Variants in CNTNAP5 observed in about 807,000 individuals in gnomAD.
CNTNAP5 encodes the protein contactin-associated protein-like 5.
CNTNAP5 carries 72 observed loss-of-function variants against 150.2 expected under a neutral mutation model. The observed-to-expected ratio is 0.48, with a 90% CI of 0.40 to 0.58. The LOEUF (loss-of-function observed/expected upper bound fraction) is 0.58, where lower values mean the gene tolerates loss of function less well. Among genes scored for constraint, CNTNAP5 ranks in the 20% least tolerant of loss-of-function variants. The pLI is 0.00. For missense variants in CNTNAP5, 1,636 were observed against 1,626.2 expected (o/e 1.01, Z -0.10); for synonymous variants, 672 against 619.8 (o/e 1.08, Z -1.25).
chr2:124,455,862 G>T (rs1216995034), intron 6 of CNTNAP5, among the ~76,000 whole-genome samples: 1 of 152,026 alleles, frequency 6.6e-6, no homozygotes, highest in Non-Finnish European at 1.5e-5. Context: ...CAAAATGCAG[G>T]ATCCCTTTAT....
intron 1 of CNTNAP5, among the ~76,000 whole-genome samples, chr2:124,093,868 G>C (rs1682871540): frequency 6.6e-6 from 1 of 152,158 alleles, no homozygotes; most frequent in African/African-American, 2.4e-5. Context: ...TGATATCGCA[G>C]CCTCAGTGTT....
intron 11 of CNTNAP5, among the ~76,000 whole-genome samples, chr2:124,608,162 G>A (rs1677297098): frequency 6.6e-6 from 1 of 152,180 alleles, no homozygotes; most frequent in Non-Finnish European, 1.5e-5. Flanking sequence ...GAGTTGGCTA[G>A]GAGAGGAGTT....
At chr2:124,298,848 C>A (rs946223311) in intron 3 of CNTNAP5, among the ~76,000 whole-genome samples, 1 of 152,150 alleles carries the variant, frequency 6.6e-6, no homozygotes, top group African/African-American at 2.4e-5. Context: ...CTGGCTCTAT[C>A]AGCTTTTAAT....
At chr2:124,294,933 C>T (rs1294229567) in intron 3 of CNTNAP5, among the ~76,000 whole-genome samples, 4 of 152,088 alleles carry the variant, frequency 2.6e-5, no homozygotes, top group African/African-American at 4.8e-5. Flanking sequence ...TGGTGAAACC[C>T]CATCTGTACT....
chr2:124,504,953 G>A (rs961436386), intron 8 of CNTNAP5, among the ~76,000 whole-genome samples: 7 of 151,930 alleles, frequency 4.6e-5, no homozygotes, highest in South Asian at 2.1e-4. Flanking sequence ...TGATCTGCCC[G>A]CCTTGGGCTC....
intron 14 of CNTNAP5, among the ~76,000 whole-genome samples, chr2:124,753,825 A>C (rs964977318): frequency 3.9e-5 from 6 of 152,244 alleles, no homozygotes; most frequent in Non-Finnish European, 7.3e-5. Flanking sequence ...TACCCTATAA[A>C]TATATACAAT....
At chr2:124,348,222 A>T (rs938320363) in intron 3 of CNTNAP5, among the ~76,000 whole-genome samples, 4 of 152,016 alleles carry the variant, frequency 2.6e-5, no homozygotes, top group South Asian at 2.1e-4. Flanking sequence ...TATTTTCTTA[A>T]TTTTTTCAGG....
At chr2:124,545,552 G>A (rs887492279) in intron 10 of CNTNAP5, among the ~76,000 whole-genome samples, 2 of 151,918 alleles carry the variant, frequency 1.3e-5, no homozygotes, top group African/African-American at 4.8e-5. Flanking sequence ...TTATTAATTG[G>A]GATTCTAGTA....
chr2:124,881,059 G>A (rs1316222908), intron 21 of CNTNAP5, among the ~76,000 whole-genome samples: 3 of 152,114 alleles, frequency 2.0e-5, no homozygotes, highest in Non-Finnish European at 4.4e-5. Flanking sequence ...AGGGAGACAA[G>A]GGAAACAAGA....
chr2:124,504,338 C>T lies in CNTNAP5; in HGVS notation c.1109C>T (p.Thr370Ile). The change falls in exon 8 of 24, where the codon ACA becomes ATA. Residue 370 changes from threonine (T) to isoleucine (I), a missense_variant. Physicochemically the swap from Thr to Ile is moderately conservative, Grantham distance 89 (BLOSUM62 -1). Coordinates refer to ENST00000682447, the MANE Select transcript of CNTNAP5 (RefSeq NM_001367498.1). The stretch of plus-strand genomic sequence containing the variant: ...TCCGAACCACAGATTGTGCCCATCA[C>T]ATTTGTCAACTCCAGCGGCAGCTAT... Reference protein sequence around the residue: ...SCSEPQIVPITFVNSSGSYLL... With the variant: ...SCSEPQIVPIIFVNSSGSYLL... The T allele has an allele frequency of 1.2e-6, 2 of 1,613,938 alleles. No individual in the cohort carries two copies. The highest frequency in any genetic ancestry group is 1.7e-6 in the Non-Finnish European group (2 of 1,179,848).
intron 6 of CNTNAP5, among the ~76,000 whole-genome samples, chr2:124,450,158 G>A (rs1320139521): frequency 6.6e-6 from 1 of 151,928 alleles, no homozygotes; most frequent in East Asian, 1.9e-4. Flanking sequence ...ACCAGCTAGA[G>A]GACAACAGTC....
intron 1 of CNTNAP5, among the ~76,000 whole-genome samples, chr2:124,031,338 T>C (rs1056379002): frequency 5.9e-5 from 9 of 152,208 alleles, no homozygotes; most frequent in Non-Finnish European, 8.8e-5. Flanking sequence ...GAATAAATGA[T>C]TGGTTTCCTG....
At chr2:124,880,643 A>C in intron 21 of CNTNAP5, among the ~76,000 whole-genome samples, 1 of 152,142 alleles carries the variant, frequency 6.6e-6, no homozygotes, top group East Asian at 1.9e-4. Context: ...TGAATGCATT[A>C]TTGAATACCT....
At chr2:124,096,795 C>A (rs774762351) in intron 1 of CNTNAP5, among the ~76,000 whole-genome samples, 2 of 152,000 alleles carry the variant, frequency 1.3e-5, no homozygotes, top group Non-Finnish European at 2.9e-5. Flanking sequence ...CCTCCATCTC[C>A]CGGGTTCTAG....
chr2:124,810,297 T>C (rs1408763147), intron 19 of CNTNAP5, among the ~76,000 whole-genome samples: 1 of 152,178 alleles, frequency 6.6e-6, no homozygotes, highest in African/African-American at 2.4e-5. Flanking sequence ...GGTCAAACTG[T>C]TGTCCTGGGC....
chr2:124,913,037 C>G (rs1165366549), intron 23 of CNTNAP5, among the ~76,000 whole-genome samples: 2 of 151,952 alleles, frequency 1.3e-5, no homozygotes, highest in Non-Finnish European at 2.9e-5. Flanking sequence ...ATCATGGCCT[C>G]AGTTCTAAAA....
intron 3 of CNTNAP5, among the ~76,000 whole-genome samples, chr2:124,352,754 C>G (rs1471192004): frequency 6.6e-6 from 1 of 152,158 alleles, no homozygotes; most frequent in Admixed American, 6.5e-5. Flanking sequence ...ACAGGCAAAA[C>G]TGTTCTGCTC....
At chr2:124,229,902 T>C (rs1686571144) in intron 2 of CNTNAP5, among the ~76,000 whole-genome samples, 1 of 152,052 alleles carries the variant, frequency 6.6e-6, no homozygotes, top group Non-Finnish European at 1.5e-5. Flanking sequence ...CATGTTTTTT[T>C]TTTCCAAATA....
intron 1 of CNTNAP5, among the ~76,000 whole-genome samples, chr2:124,107,211 G>A (rs989908948): frequency 9.9e-5 from 15 of 152,152 alleles, no homozygotes; most frequent in Non-Finnish European, 4.4e-5. Context: ...CTCAGGGCTG[G>A]CAGTGAGGAA....
Sources: allele counts gnomAD v4.1 joint callset (sites outside exome capture counted in the v4.1 genomes callset), GRCh38; gene constraint gnomAD v4.1.1; transcripts MANE v1.5; gene names NCBI Gene and HGNC (gene_info 2026-07-23, HGNC 2026-07-21).